Variants in DAP3 observed in about 807,000 individuals in gnomAD.
The protein encoded by DAP3 is death associated protein 3.
A neutral mutation model predicts 51.9 loss-of-function variants in DAP3; 28 were observed. The observed-to-expected ratio is 0.54, with a 90% CI of 0.40 to 0.74. DAP3 has a LOEUF of 0.74. Ranked by LOEUF, DAP3 falls within the 30% of genes least tolerant of loss-of-function variation. DAP3 has a pLI of 0.00. For missense variants in DAP3, 458 were observed against 483.5 expected (o/e 0.95, Z 0.49); for synonymous variants, 170 against 170.3 (o/e 1.00, Z 0.01).
intron 1 of DAP3, among the ~76,000 whole-genome samples, chr1:155,705,629 CAGAA>C (rs1227884600): frequency 1.3e-5 from 2 of 149,436 alleles, no homozygotes; most frequent in East Asian, 2.0e-4. Context: ...AAAAAAAAAA[CAGAA>C]AGGAAATAAA....
Position 155,731,958 on chromosome 1 carries a change from T to G in DAP3, c.918T>G (p.Ile306Met). 2 of 1,610,966 alleles carry G rather than the reference T, an allele frequency of 1.2e-6. No homozygotes were observed. The highest frequency in any genetic ancestry group is 1.7e-6 in the Non-Finnish European group (2 of 1,178,638). ...MMKNDWHGGA[I>M]VSALSQTGSL... ...TTTTCTTTCAGCATGGAGGCGCCAT[T>G]GTGTCGGCTTTGAGCCAGACTGGGT... Residue 306 changes from isoleucine to methionine, a missense_variant, in exon 11 of 13, where the codon ATT becomes ATG. Physicochemically the swap from Ile to Met is conservative, Grantham distance 10 (BLOSUM62 1). Transcript: ENST00000368336.
At chr1:155,698,783 T>C (rs1196123351) in intron 1 of DAP3, among the ~76,000 whole-genome samples, 1 of 152,248 alleles carries the variant, frequency 6.6e-6, no homozygotes, top group Non-Finnish European at 1.5e-5. Context: ...AGAGCTGCCA[T>C]AGCAAGCTCA....
rs534118703 is a variant in DAP3, at chr1:155,697,321, C to T, written c.-8+8147C>T. On this transcript the variant is annotated intron_variant, in intron 1 of 12. Transcript: ENST00000368336. ...TTCTCTGAAGAAGCTGCGGGCTGAA[C>T]AATTTTCTGTGTAGGTTTAGGGAGA... 1.1e-4 allele frequency among the ~76,000 whole-genome samples: 16 copies of T among 152,202 alleles called. No homozygotes were observed. In the South Asian group the frequency reaches 3.3e-3, roughly 32 times the overall value.
intron 1 of DAP3, among the ~76,000 whole-genome samples, chr1:155,696,232 A>G (rs1010108394): frequency 6.6e-6 from 1 of 152,208 alleles, no homozygotes; most frequent in African/African-American, 2.4e-5. Flanking sequence ...TAGGGAACAC[A>G]ATGAATTGAA....
At chr1:155,711,904 G>A (rs547643297) in intron 2 of DAP3, among the ~76,000 whole-genome samples, 6 of 151,262 alleles carry the variant, frequency 4.0e-5, no homozygotes, top group Admixed American at 2.0e-4. Flanking sequence ...GTTCGAGGGC[G>A]GGAAGCATCT....
chr1:155,720,443 G>C (rs1420411522), intron 3 of DAP3, among the ~76,000 whole-genome samples: 1 of 145,588 alleles, frequency 6.9e-6, no homozygotes. Context: ...GGGAGTTCAA[G>C]ACCAGCCTGT....
At chr1:155,689,324 G>C in intron 1 of DAP3, 150 bp downstream of exon 1, 1 of 591,876 alleles carries the variant, frequency 1.7e-6, no homozygotes, top group Admixed American at 2.1e-5. Context: ...GGGACCCGAG[G>C]AAGTTCGGCG....
intron 11 of DAP3, among the ~76,000 whole-genome samples, chr1:155,733,084 T>C (rs925601536): frequency 2.0e-5 from 3 of 152,242 alleles, no homozygotes; most frequent in African/African-American, 7.2e-5. Context: ...AGTCTGTCAG[T>C]CTTTGTCATT....
intron 6 of DAP3, 94 bp downstream of exon 6, chr1:155,726,113 C>CTTTTCT: frequency 4.4e-6 from 3 of 676,658 alleles, no homozygotes; most frequent in Non-Finnish European, 6.5e-6. Context: ...CTTTTCTTTT[C>CTTTTCT]TTTTTTTTTT....
chr1:155,688,669 G>A (rs1021296153), upstream of DAP3: 2 of 1,532,544 alleles, frequency 1.3e-6, no homozygotes, highest in African/African-American at 1.4e-5. Flanking sequence ...CTTCAGCGGC[G>A]CGAGCCCAAG....
chr1:155,714,183 T>G (rs1341852803), intron 2 of DAP3, among the ~76,000 whole-genome samples: 1 of 152,212 alleles, frequency 6.6e-6, no homozygotes, highest in African/African-American at 2.4e-5. Flanking sequence ...TAGATTGTTA[T>G]GCTAAGGAAT....
At chr1:155,725,786 C>G in intron 5 of DAP3, 141 bp from the exon 6 acceptor site, 1 of 715,638 alleles carries the variant, frequency 1.4e-6, no homozygotes, top group South Asian at 1.9e-5. Context: ...ATCGCTTGAA[C>G]CCGGGAAGCG....
chr1:155,726,270 C>A, intron 6 of DAP3: 1 of 271,406 alleles, frequency 3.7e-6, no homozygotes. Context: ...CCCACCACAC[C>A]ACCACGCCCA....
At chr1:155,699,868 A>G (rs1654965374) in intron 1 of DAP3, among the ~76,000 whole-genome samples, 2 of 152,192 alleles carry the variant, frequency 1.3e-5, no homozygotes, top group Non-Finnish European at 2.9e-5. Flanking sequence ...CTCCCGTCTC[A>G]GCCTCCCGAA....
Position 155,693,039 on chromosome 1 carries a change from T to C in DAP3, c.-8+3865T>C, listed in dbSNP as rs114433076. ...CTATAAGGGTAAAAATAAATCTTTT[T>C]GTTCTGGTAAACACTCCCTTTAACA... On this transcript the variant is annotated intron_variant, in intron 1 of 12. Transcript: ENST00000368336. 8.0e-3 allele frequency among the ~76,000 whole-genome samples: 1,130 copies of C among 141,796 alleles called. 40 individuals are homozygous for C. Among genetic ancestry groups the C allele is most frequent in the Middle Eastern group, 0.02 (6 of 294 alleles). 93.0% of individuals were successfully genotyped at this position (141,796 alleles called of 152,430 possible).
Position 155,729,047 on chromosome 1 carries a change from A to G in DAP3, c.609A>G (p.Lys203=), listed in dbSNP as rs1312454349. Residue 203 remains lysine, a synonymous_variant, in exon 8 of 13, where the codon AAA becomes AAG. Coordinates refer to ENST00000368336, the MANE Select transcript of DAP3 (RefSeq NM_004632.4). ...TTTTCTTTGCTTGCTTTTAGATAAA[A>G]GTTCAAGAGAAGTATGTCTGGAATA... ...TTNERFLNQI[K]VQEKYVWNKR... 6.2e-7 allele frequency: 1 copy of G among 1,612,320 alleles called. No homozygotes were observed. Among genetic ancestry groups the G allele is most frequent in the Admixed American group, 1.7e-5 (1 of 59,504 alleles).
intron 1 of DAP3, among the ~76,000 whole-genome samples, chr1:155,703,216 G>A (rs1052095538): frequency 1.3e-5 from 2 of 152,088 alleles, no homozygotes; most frequent in Admixed American, 6.6e-5. Flanking sequence ...CCAAGACTGC[G>A]TAATTTATTA....
intron 6 of DAP3, 162 bp from the exon 7 acceptor site, chr1:155,727,446 G>A (rs1658725476): frequency 3.1e-6 from 2 of 639,022 alleles, no homozygotes; most frequent in Non-Finnish European, 4.5e-6. Flanking sequence ...TCTAGCCTGG[G>A]TGACAGAGCA....
At chr1:155,698,463 T>C (rs191308033) in intron 1 of DAP3, among the ~76,000 whole-genome samples, 1 of 152,296 alleles carries the variant, frequency 6.6e-6, no homozygotes, top group East Asian at 1.9e-4. Context: ...CACTCTGGAC[T>C]CTCCCTTTTT....
Sources: gnomAD v4.1 joint callset for allele counts (sites outside exome capture counted in the v4.1 genomes callset) on GRCh38, gnomAD v4.1.1 for gene constraint, MANE v1.5 for transcripts, NCBI Gene and HGNC (gene_info 2026-07-23, HGNC 2026-07-21) for gene names.